TCF20: variants seen among roughly 807,000 people sequenced by gnomAD.
The protein encoded by TCF20 is SPRE-binding protein.
In TCF20, 3 loss-of-function variants were observed where a neutral mutation model predicts 148.6. The ratio of observed to expected loss-of-function variants is 0.02; its 90% confidence interval spans 0.01 to 0.05. The LOEUF (loss-of-function observed/expected upper bound fraction) is 0.05. TCF20 is among the 10% of genes least tolerant of loss of function. TCF20 has a pLI of 1.00. For missense variants in TCF20, 2,350 were observed against 2,429.3 expected (o/e 0.97, Z 0.69); for synonymous variants, 1,049 against 909.5 (o/e 1.15, Z -2.76).
intron 1 of TCF20, among the ~76,000 whole-genome samples, chr22:42,313,935 C>A (rs776385550): frequency 2.6e-5 from 4 of 152,236 alleles, no homozygotes; most frequent in Admixed American, 2.0e-4. Context: ...ACCTTTGCCC[C>A]GGCTGTTCCC....
chr22:42,210,555 C>G lies in TCF20; in HGVS notation c.4751G>C (p.Arg1584Thr), dbSNP rs768718734. 1 of 1,614,188 alleles carries G rather than the reference C, an allele frequency of 6.2e-7. No individual in the cohort carries two copies. Among genetic ancestry groups the G allele is most frequent in the South Asian group, 1.1e-5 (1 of 91,082 alleles). Residue 1584 changes from arginine to threonine, a missense_variant, in exon 2 of 6, where the codon AGG becomes ACG. By Grantham distance (71) the Arg-to-Thr change is moderately conservative (BLOSUM62 -1). This residue lies in a region of TCF20 where 374 missense variants were observed against 398.3 expected (regional missense o/e 0.94). Coordinates refer to ENST00000677622, the MANE Select transcript of TCF20 (RefSeq NM_001378418.1). The surrounding 1 kb of genome is among the most constrained non-coding windows in gnomAD (Gnocchi z 4.7). ...EPKPKKQRQR[R>T]ERRKPGAQPR... ...CTGGGCCCCAGGCTTCCTTCTCTCC[C>G]TCCTTTGCCTCTGTTTTTTTGGCTT...
At chr22:42,270,001 A>G (rs1303936955) in intron 1 of TCF20, 1 of 152,076 alleles carries the variant, frequency 6.6e-6, no homozygotes. Flanking sequence ...CCGCCTTTGC[A>G]CCCAAGGCCT....
At chr22:42,320,984 A>G (rs1382766524) in intron 1 of TCF20, among the ~76,000 whole-genome samples, 2 of 152,356 alleles carry the variant, frequency 1.3e-5, no homozygotes, top group East Asian at 3.9e-4. Flanking sequence ...ATGTACACAC[A>G]GTCTCCCAGG....
chr22:42,283,021 G>A (rs1926940198), intron 1 of TCF20, among the ~76,000 whole-genome samples: 1 of 152,178 alleles, frequency 6.6e-6, no homozygotes, highest in East Asian at 1.9e-4. Context: ...CACAAACAGA[G>A]ACAACACAAT....
intron 3 of TCF20, among the ~76,000 whole-genome samples, chr22:42,173,230 T>G (rs928337801): frequency 7.0e-6 from 1 of 142,792 alleles, no homozygotes; most frequent in Non-Finnish European, 1.5e-5. Context: ...CTCATTGCAT[T>G]AAATACATTA....
intron 2 of TCF20, among the ~76,000 whole-genome samples, chr22:42,180,035 A>G (rs1336059628): frequency 6.6e-6 from 1 of 152,022 alleles, no homozygotes; most frequent in Non-Finnish European, 1.5e-5. Flanking sequence ...CCCACACACT[A>G]TGCCAGGCAT....
At position 42,160,467 on chromosome 22, in the gene TCF20, C is replaced by G. The variant is rs1414426098; in HGVS notation, c.*936G>C. 6.6e-6 allele frequency: 1 copy of G among 152,540 alleles called. No individual in the cohort carries two copies. The highest frequency in any genetic ancestry group is 1.9e-4 in the East Asian group (1 of 5,180). The allele number at this position is 152,540 out of a possible 1,614,324, so 9.4% of individuals were successfully genotyped here. On this transcript the variant is annotated 3_prime_UTR_variant, in exon 6 of 6. Coordinates refer to ENST00000677622, the MANE Select transcript of TCF20 (RefSeq NM_001378418.1). ...CCCCACGGGTCCCTGTGGGTCAGGG[C>G]ACAGCTGCCTGGAATGTGCTGAGGA...
chr22:42,300,547 A>G (rs1451279289), intron 1 of TCF20, among the ~76,000 whole-genome samples: 2 of 152,126 alleles, frequency 1.3e-5, no homozygotes, highest in African/African-American at 4.8e-5. Flanking sequence ...TTGTTCAGGG[A>G]CACACACAGT....
intron 1 of TCF20, among the ~76,000 whole-genome samples, chr22:42,233,644 C>T (rs767532397): frequency 2.6e-5 from 4 of 152,174 alleles, no homozygotes; most frequent in Admixed American, 6.5e-5. Flanking sequence ...CTTACTGCCA[C>T]GCACAGAGCA....
At chr22:42,186,668 C>A (rs192837084) in intron 2 of TCF20, among the ~76,000 whole-genome samples, 135 of 152,248 alleles carry the variant, frequency 8.9e-4, no homozygotes, top group African/African-American at 3.2e-3. Flanking sequence ...TCATCTCCGA[C>A]GGTGTGGAAG....
chr22:42,174,835 A>C (rs1936343240), intron 3 of TCF20, among the ~76,000 whole-genome samples: 2 of 152,156 alleles, frequency 1.3e-5, no homozygotes, highest in South Asian at 4.1e-4. Context: ...GGAGATCGAG[A>C]CCATCCCGGC....
intron 1 of TCF20, among the ~76,000 whole-genome samples, chr22:42,313,597 CTT>C (rs551146210): frequency 6.6e-5 from 8 of 120,308 alleles, no homozygotes; most frequent in Admixed American, 1.8e-4. Flanking sequence ...AGAATTCTTT[CTT>C]TTTTTTTTTT....
chr22:42,160,431 C>T lies in TCF20; in HGVS notation c.*972G>A, dbSNP rs961478195. 1.6e-4 allele frequency: 24 copies of T among 152,710 alleles called. No individual in the cohort carries two copies. The highest frequency in any genetic ancestry group is 2.8e-4 in the Non-Finnish European group (19 of 68,136). 9.5% of individuals were successfully genotyped at this position (152,710 alleles called of 1,614,324 possible). On this transcript the variant is annotated 3_prime_UTR_variant, in exon 6 of 6. Coordinates refer to ENST00000677622, the MANE Select transcript of TCF20 (RefSeq NM_001378418.1). ...CCAGCTCTGGCAACACAGGCCTGGA[C>T]CTCCTCCCATCCCCACGGGTCCCTG...
At chr22:42,240,215 GC>G (rs1754143227) in intron 1 of TCF20, among the ~76,000 whole-genome samples, 1 of 152,124 alleles carries the variant, frequency 6.6e-6, no homozygotes, top group East Asian at 1.9e-4. Context: ...ACGTCACATT[GC>G]AAACAAGGGG....
At chr22:42,189,570 A>G (rs529766665) in intron 2 of TCF20, among the ~76,000 whole-genome samples, 2 of 152,222 alleles carry the variant, frequency 1.3e-5, no homozygotes, top group South Asian at 4.1e-4. Flanking sequence ...GAGTAAACTG[A>G]TTGTTTTCCG....
chr22:42,274,138 C>G (rs937800604), upstream of TCF20: 2 of 152,742 alleles, frequency 1.3e-5, no homozygotes, highest in Admixed American at 6.5e-5. Flanking sequence ...AGAGGGAGGC[C>G]TGGAATTCCT....
Position 42,299,591 on chromosome 22 carries a change from C to G in TCF20, c.-37+43888G>C, listed in dbSNP as rs1352553111. On this transcript the variant is annotated intron_variant, in intron 1 of 1. Coordinates refer to the TCF20 transcript ENST00000515426. The surrounding 1 kb of genome is among the most constrained non-coding windows in gnomAD (Gnocchi z 4.1). ...CACATGTCCCACTGGTCACCAGTCC[C>G]TCTTGCCTTTCTGTCCCAGCTAGCA... Among the ~76,000 whole-genome samples the G allele has an allele frequency of 6.6e-6, 1 of 152,198 alleles. No individual in the cohort carries two copies. The highest frequency in any genetic ancestry group is 1.5e-5 in the Non-Finnish European group (1 of 68,028).
intron 1 of TCF20, among the ~76,000 whole-genome samples, chr22:42,267,359 A>G (rs534686482): frequency 1.3e-5 from 2 of 152,160 alleles, no homozygotes; most frequent in South Asian, 4.1e-4. Flanking sequence ...AAATCCTAAC[A>G]AACTGTTTAT....
chr22:42,272,654 A>G (rs1051297651), upstream of TCF20, among the ~76,000 whole-genome samples: 2 of 152,156 alleles, frequency 1.3e-5, no homozygotes, highest in Non-Finnish European at 2.9e-5. Flanking sequence ...CATTGCCCCA[A>G]TGCCCTCCAC....
Sources: gnomAD v4.1 joint callset for allele counts (sites outside exome capture counted in the v4.1 genomes callset) on GRCh38, gnomAD v4.1.1 for gene constraint, gnomAD v4.1.1 regional missense constraint, Gnocchi (gnomAD v3.1) non-coding constraint, MANE v1.5 for transcripts, NCBI Gene and HGNC (gene_info 2026-07-23, HGNC 2026-07-21) for gene names.